Variants in RANBP2 observed in about 807,000 individuals in gnomAD.
RANBP2 encodes the protein RAN binding protein 2, also known as E3 SUMO-protein ligase RanBP2.
Under a neutral mutation model 303.6 loss-of-function variants are expected in RANBP2, and 57 were observed. That is an observed-to-expected ratio of 0.19 (90% CI 0.15 to 0.23). The LOEUF (loss-of-function observed/expected upper bound fraction) is 0.23. Among genes scored for constraint, RANBP2 ranks in the 10% least tolerant of loss-of-function variants. The pLI is 1.00. For missense variants in RANBP2, 3,138 were observed against 3,780.8 expected, an observed-to-expected ratio of 0.83 and a Z score of 4.46; for synonymous variants, 1,167 against 1,301.5, an observed-to-expected ratio of 0.90 and a Z score of 2.23.
At chr2:108,985,000 C>T in the RANBP2 span, among the ~76,000 whole-genome samples, 3 of 152,202 alleles carry the variant, frequency 2.0e-5, no homozygotes, top group East Asian at 1.9e-4. Flanking sequence ...ATCTGAGAGT[C>T]GTCAAAACAG....
the RANBP2 span, among the ~76,000 whole-genome samples, chr2:108,873,127 T>C: frequency 6.6e-6 from 1 of 152,332 alleles, no homozygotes; most frequent in South Asian, 2.1e-4. Flanking sequence ...TTGCTAATTA[T>C]AGTATTTAAA....
chr2:109,593,140 C>G, the RANBP2 span: 1 of 1,555,876 alleles, frequency 6.4e-7, no homozygotes, highest in Admixed American at 1.9e-5. Context: ...AATACAAAGG[C>G]TTAAAAGGAA....
At chr2:109,320,086 C>T in the RANBP2 span, among the ~76,000 whole-genome samples, 1 of 152,172 alleles carries the variant, frequency 6.6e-6, no homozygotes, top group South Asian at 2.1e-4. Context: ...CTTATGGTCC[C>T]TTCCTTAGGC....
At chr2:109,393,407 G>A in the RANBP2 span, among the ~76,000 whole-genome samples, 1 of 152,320 alleles carries the variant, frequency 6.6e-6, no homozygotes, top group East Asian at 1.9e-4. Flanking sequence ...GCAGAAACTT[G>A]GCAACAGCCC....
the RANBP2 span, among the ~76,000 whole-genome samples, chr2:109,629,640 G>T: frequency 2.0e-5 from 3 of 151,558 alleles, no homozygotes; most frequent in South Asian, 2.1e-4. Context: ...GTGAAACCCC[G>T]TCTCTACTAA....
chr2:109,066,132 A>T, the RANBP2 span, among the ~76,000 whole-genome samples: 276 of 149,460 alleles, frequency 1.8e-3, 3 homozygotes, highest in African/African-American at 6.4e-3. Context: ...TTTCTGAGAC[A>T]TAGTATCGCT....
At chr2:108,822,815 T>C in the RANBP2 span, among the ~76,000 whole-genome samples, 1 of 152,124 alleles carries the variant, frequency 6.6e-6, no homozygotes, top group Non-Finnish European at 1.5e-5. Flanking sequence ...CTGTAGATGC[T>C]TACATTAAAA....
the RANBP2 span, chr2:109,503,987 C>T: frequency 0.12 from 18,770 of 152,140 alleles, 1,901 homozygotes; most frequent in African/African-American, 0.28. Flanking sequence ...GGAAGGAGAG[C>T]GATGCGTGGG....
the RANBP2 span, among the ~76,000 whole-genome samples, chr2:109,300,089 A>C: frequency 2.0e-5 from 3 of 152,192 alleles, no homozygotes; most frequent in African/African-American, 7.2e-5. Flanking sequence ...GGTGAGCAGC[A>C]AGGATAAGAG....
the RANBP2 span, chr2:108,857,055 A>AGATAC: frequency 3.1e-6 from 1 of 325,814 alleles, no homozygotes; most frequent in Non-Finnish European, 5.5e-6. Context: ...TCCACATATC[A>AGATAC]GATACTATTG....
At chr2:109,657,096 T>A in the RANBP2 span, among the ~76,000 whole-genome samples, 1 of 152,144 alleles carries the variant, frequency 6.6e-6, no homozygotes. Flanking sequence ...ATTCCCTAAT[T>A]TCATGAATGG....
chr2:108,735,157 G>A (rs1322619467), intron 4 of RANBP2, among the ~76,000 whole-genome samples: 2 of 152,246 alleles, frequency 1.3e-5, no homozygotes, highest in Non-Finnish European at 2.9e-5. Flanking sequence ...GAGGGGATGC[G>A]GGATTGAGTC....
chr2:109,688,120 G>A, the RANBP2 span, among the ~76,000 whole-genome samples: 1 of 152,190 alleles, frequency 6.6e-6, no homozygotes, highest in Admixed American at 6.5e-5. Context: ...CTCCGCATGT[G>A]TGGCTGTGAC....
At chr2:109,333,939 T>C in the RANBP2 span, among the ~76,000 whole-genome samples, 5 of 152,362 alleles carry the variant, frequency 3.3e-5, no homozygotes, top group South Asian at 2.1e-4. Flanking sequence ...GAATTAATAA[T>C]GAGGACATGC....
At chr2:108,794,486 A>G in the RANBP2 span, 1 of 1,485,858 alleles carries the variant, frequency 6.7e-7, no homozygotes, top group Non-Finnish European at 9.2e-7. Context: ...CTCTGAGAAT[A>G]TTTGAAACAA....
the RANBP2 span, chr2:109,398,898 C>T: frequency 1.9e-6 from 3 of 1,613,652 alleles, no homozygotes; most frequent in Non-Finnish European, 1.7e-6. Flanking sequence ...GAGCCGCGGC[C>T]AGGATTGGAG....
chr2:109,799,243 A>G, the RANBP2 span, among the ~76,000 whole-genome samples: 3 of 138,272 alleles, frequency 2.2e-5, no homozygotes, highest in Non-Finnish European at 4.6e-5. Flanking sequence ...ATCTCAAAAA[A>G]AAAAAAAAAA....
the RANBP2 span, among the ~76,000 whole-genome samples, chr2:109,009,702 C>T: frequency 0.31 from 37,617 of 120,820 alleles, 7,408 homozygotes; most frequent in East Asian, 0.84. Context: ...ACATTTTTAC[C>T]TTTTTTTTGT....
the RANBP2 span, among the ~76,000 whole-genome samples, chr2:109,385,901 TC>T: frequency 4.7e-5 from 2 of 42,124 alleles, no homozygotes; most frequent in African/African-American, 1.5e-4. Context: ...GAAACTCTGC[TC>T]TTCTTCATAT....
Sources: gnomAD v4.1 joint callset for allele counts (sites outside exome capture counted in the v4.1 genomes callset) on GRCh38, gnomAD v4.1.1 for gene constraint, MANE v1.5 for transcripts, NCBI Gene and HGNC (gene_info 2026-07-23, HGNC 2026-07-21) for gene names.